CYFIP1: variants seen among roughly 807,000 people sequenced by gnomAD.
CYFIP1 encodes the protein cytoplasmic FMR1 interacting protein 1, also known as cytoplasmic FMR1-interacting protein 1.
Under a neutral mutation model 163.5 loss-of-function variants are expected in CYFIP1, and 58 were observed. That is an observed-to-expected ratio of 0.35 (90% CI 0.29 to 0.44). The LOEUF is 0.44. CYFIP1 is among the 20% of genes least tolerant of loss of function. The pLI, the probability that CYFIP1 is intolerant of heterozygous loss-of-function variation, is 1.00. For synonymous variants in CYFIP1, 663 were observed against 660.7 expected (o/e 1.00, Z -0.05); for missense variants, 1,338 against 1,653.8 (o/e 0.81, Z 3.31).
intron 30 of CYFIP1, among the ~76,000 whole-genome samples, chr15:22,870,845 G>A (rs1391838215): frequency 6.6e-6 from 1 of 152,202 alleles, no homozygotes; most frequent in African/African-American, 2.4e-5. Context: ...TAGACTTCCA[G>A]TTTGGAAATA....
At chr15:22,954,459 C>T (rs894630103) in intron 1 of CYFIP1, among the ~76,000 whole-genome samples, 4 of 152,186 alleles carry the variant, frequency 2.6e-5, no homozygotes, top group South Asian at 2.1e-4. Context: ...GAAAATAATA[C>T]GTGCTCCATG....
intron 8 of CYFIP1, 53 bp from the exon 9 acceptor site, chr15:22,937,261 C>A: frequency 9.1e-7 from 1 of 1,096,280 alleles, no homozygotes; most frequent in East Asian, 2.4e-5. Flanking sequence ...GAGAATTTCA[C>A]TACCCATAAG....
chr15:22,963,130 G>A (rs1467219907), intron 1 of CYFIP1, among the ~76,000 whole-genome samples: 1 of 152,228 alleles, frequency 6.6e-6, no homozygotes, highest in African/African-American at 2.4e-5. Context: ...AGGGCCTCAA[G>A]TGGAGAGAGA....
chr15:22,906,769 A>G (rs1410022923), intron 21 of CYFIP1, among the ~76,000 whole-genome samples: 1 of 151,846 alleles, frequency 6.6e-6, no homozygotes, highest in African/African-American at 2.4e-5. Context: ...CCGGCCAGCA[A>G]CTACTACTTT....
intron 23 of CYFIP1, among the ~76,000 whole-genome samples, chr15:22,890,507 T>C (rs999570945): frequency 2.0e-5 from 3 of 152,110 alleles, no homozygotes; most frequent in African/African-American, 7.2e-5. Flanking sequence ...GCCCGGTCAC[T>C]GCATTCTTGG....
chr15:22,931,518 T>A (rs1404816815), intron 11 of CYFIP1, among the ~76,000 whole-genome samples: 31 of 151,852 alleles, frequency 2.0e-4, no homozygotes, highest in Middle Eastern at 3.2e-3. Context: ...CCTTCTAGGC[T>A]TACAGGGGCC....
chr15:22,950,807 C>T (rs1214535256), intron 1 of CYFIP1, among the ~76,000 whole-genome samples: 1 of 152,222 alleles, frequency 6.6e-6, no homozygotes, highest in Non-Finnish European at 1.5e-5. Flanking sequence ...TATGGCCAGG[C>T]TGGTCAAGGT....
rs1226767586 is a variant in CYFIP1, at chr15:22,939,332, A to G, written c.667-12T>C. ...TGCTGCTGCAGAGACTGAAACACAG[A>G]GCAAGAGACTCATGCATGGGCCCGG... On this transcript the variant is annotated splice_polypyrimidine_tract_variant and intron_variant, in intron 7 of 30. Transcript: ENST00000617928. The G allele has an allele frequency of 6.2e-7, 1 of 1,614,038 alleles. No individual in the cohort carries two copies. The highest frequency in any genetic ancestry group is 8.5e-7 in the Non-Finnish European group (1 of 1,180,018).
rs2062007256 is a variant in CYFIP1, at chr15:22,944,874, C to G, written c.273G>C (p.Arg91=). 2 of 1,613,820 alleles carry G rather than the reference C, an allele frequency of 1.2e-6. No individual in the cohort carries two copies. Among genetic ancestry groups the G allele is most frequent in the South Asian group, 2.2e-5 (2 of 91,082 alleles). ...GCGAGCGTGGCACCTGTGGGATGGC[C>G]CGGGAGCAGCTCCTCCAGGTGTACA... ...VMLYTWRSCS[R]AIPQVKCNEQ... The change falls in exon 4 of 31, where the codon CGG becomes CGC. Residue 91 remains arginine (R), a synonymous_variant. Transcript: ENST00000617928.
Position 22,927,997 on chromosome 15 carries a change from T to C in CYFIP1, c.1142A>G (p.Gln381Arg), listed in dbSNP as rs1335939083. The C allele has an allele frequency of 1.9e-6, 3 of 1,586,484 alleles. No homozygotes were observed. Among genetic ancestry groups the C allele is most frequent in the Non-Finnish European group, 2.6e-6 (3 of 1,169,624 alleles). ...CTTGCGGTACTCCGCGTCCGTCTTC[T>C]GGGCCTCCTGGCGGCCCGAGCCCGT... ...VVTGSGRQEA[Q>R]KTDAEYRKLF... The change falls in exon 12 of 31, where the codon CAG becomes CGG. Residue 381 changes from glutamine to arginine, a missense_variant. Physicochemically the swap from Gln to Arg is conservative, Grantham distance 43. Around this residue, in one of 4 missense-constraint regions of CYFIP1, gnomAD observed 824 missense variants for 995.7 expected, o/e 0.83. Coordinates refer to ENST00000617928, the MANE Select transcript of CYFIP1 (RefSeq NM_014608.6).
At chr15:22,873,122 G>A in intron 29 of CYFIP1, 150 bp from the exon 30 acceptor site, 1 of 829,264 alleles carries the variant, frequency 1.2e-6, no homozygotes, top group Non-Finnish European at 1.7e-6. Flanking sequence ...AGAATGCCGG[G>A]CAGCCAGGTG....
At chr15:22,886,008 C>T (rs1354915687) in intron 23 of CYFIP1, among the ~76,000 whole-genome samples, 1 of 152,102 alleles carries the variant, frequency 6.6e-6, no homozygotes, top group Admixed American at 6.5e-5. Context: ...CTCATAGTTC[C>T]ACATGGCTGG....
chr15:22,932,680 T>C (rs992405458), intron 10 of CYFIP1, among the ~76,000 whole-genome samples: 1 of 152,210 alleles, frequency 6.6e-6, no homozygotes, highest in African/African-American at 2.4e-5. Flanking sequence ...GAGGCTCAGA[T>C]GGCTCTGTAG....
intron 24 of CYFIP1, 114 bp from the exon 25 acceptor site, chr15:22,882,050 G>T: frequency 2.4e-6 from 2 of 850,172 alleles, no homozygotes; most frequent in South Asian, 3.2e-5. Context: ...TAACCAGCAA[G>T]GCTGCAGGAT....
chr15:22,975,424 A>G (rs1478573861), intron 1 of CYFIP1, among the ~76,000 whole-genome samples: 1 of 138,856 alleles, frequency 7.2e-6, no homozygotes, highest in Admixed American at 7.5e-5. Context: ...GAGCCGAGAC[A>G]GAGCGAGACT....
At chr15:22,880,472 G>A (rs1403497400) in intron 25 of CYFIP1, among the ~76,000 whole-genome samples, 1 of 152,192 alleles carries the variant, frequency 6.6e-6, no homozygotes, top group Non-Finnish European at 1.5e-5. Context: ...CTAACAGCAC[G>A]CCCAACGGGA....
intron 1 of CYFIP1, among the ~76,000 whole-genome samples, chr15:22,963,432 G>C (rs1028904660): frequency 6.6e-6 from 1 of 152,044 alleles, no homozygotes; most frequent in Non-Finnish European, 1.5e-5. Flanking sequence ...GGAGGTTGCA[G>C]TGAGCCAAGA....
intron 23 of CYFIP1, among the ~76,000 whole-genome samples, chr15:22,889,242 C>G (rs1262055422): frequency 6.6e-6 from 1 of 152,208 alleles, no homozygotes; most frequent in Non-Finnish European, 1.5e-5. Flanking sequence ...AAAAGAGCAT[C>G]AGCTTTGCAA....
At chr15:22,935,629 G>A (rs1266596188) in intron 9 of CYFIP1, among the ~76,000 whole-genome samples, 1 of 152,084 alleles carries the variant, frequency 6.6e-6, no homozygotes, top group African/African-American at 2.4e-5. Flanking sequence ...CTGGAGGCAG[G>A]AGGAGGAAGG....
Sources: gnomAD v4.1 joint callset for allele counts (sites outside exome capture counted in the v4.1 genomes callset) on GRCh38, gnomAD v4.1.1 for gene constraint, gnomAD v4.1.1 regional missense constraint, MANE v1.5 for transcripts, NCBI Gene and HGNC (gene_info 2026-07-23, HGNC 2026-07-21) for gene names.